The following SMARCA4 variants were observed in gnomAD, a reference collection of about 807,000 sequenced individuals.
The protein encoded by SMARCA4 is SWI/SNF-related matrix-associated actin-dependent regulator of chromatin subfamily A member 4.
A neutral mutation model predicts 193.9 loss-of-function variants in SMARCA4; 31 were observed. The observed-to-expected ratio is 0.16, with a 90% CI of 0.12 to 0.22. The LOEUF is 0.22. SMARCA4 is among the 10% of genes least tolerant of loss of function. The pLI is 1.00. For synonymous variants in SMARCA4, 942 were observed against 933.1 expected (o/e 1.01, Z -0.17); for missense variants, 1,148 against 2,296.0 (o/e 0.50, Z 10.22).
intron 30 of SMARCA4, among the ~76,000 whole-genome samples, chr19:11,053,381 G>A (rs1261373241): frequency 1.3e-5 from 2 of 151,740 alleles, no homozygotes; most frequent in Admixed American, 1.3e-4. Flanking sequence ...CTACTCGGGA[G>A]GCGGAGGTTT....
intron 1 of SMARCA4, among the ~76,000 whole-genome samples, chr19:10,969,002 C>T (rs1454487523): frequency 6.6e-6 from 1 of 152,206 alleles, no homozygotes; most frequent in Non-Finnish European, 1.5e-5. Flanking sequence ...CCTCGACCTT[C>T]AAGGTTCTCA....
intron 11 of SMARCA4, among the ~76,000 whole-genome samples, chr19:10,999,494 A>G (rs540690641): frequency 2.0e-5 from 3 of 152,200 alleles, no homozygotes; most frequent in African/African-American, 7.2e-5. Context: ...TTGTCTTTAT[A>G]AAAAATTTTA....
intron 30 of SMARCA4, among the ~76,000 whole-genome samples, chr19:11,052,358 G>A (rs574156252): frequency 6.6e-6 from 1 of 152,242 alleles, no homozygotes; most frequent in South Asian, 2.1e-4. Context: ...CCCAGGAGTT[G>A]GAGGCACCGC....
chr19:11,007,004 T>G (rs2088281331), intron 13 of SMARCA4, among the ~76,000 whole-genome samples: 1 of 152,120 alleles, frequency 6.6e-6, no homozygotes. Context: ...GGAGGATCGC[T>G]TAAGTCCAGT....
In SMARCA4 at chr19:10,985,000, C is replaced by T. The variant is rs1303640552; in HGVS notation, c.223-273C>T. Among the ~76,000 whole-genome samples, 1 of 152,204 alleles carries T rather than the reference C, an allele frequency of 6.6e-6. No homozygotes were observed. Among genetic ancestry groups the T allele is most frequent in the African/African-American group, 2.4e-5 (1 of 41,450 alleles). ...TGACATTTCTAAGTGTCACGGGCCA[C>T]AGGAGGTCCCGGGTGGTAGAAGATG... On this transcript the variant is annotated intron_variant, in intron 2 of 34. Transcript: ENST00000344626. The surrounding 1 kb of genome is among the most constrained non-coding windows in gnomAD (Gnocchi z 4.3).
chr19:10,971,876 G>A (rs920168218), intron 1 of SMARCA4, among the ~76,000 whole-genome samples: 7 of 150,694 alleles, frequency 4.6e-5, no homozygotes, highest in Non-Finnish European at 7.4e-5. Context: ...TCCGCCTCCC[G>A]GGTTCAAGCG....
chr19:10,992,687 C>T (rs2086663297), intron 8 of SMARCA4, among the ~76,000 whole-genome samples: 1 of 151,806 alleles, frequency 6.6e-6, no homozygotes, highest in African/African-American at 2.4e-5. Context: ...CTCCTGGGTT[C>T]AAGCGATTTT....
chr19:11,028,508 C>T (rs1247169436), intron 24 of SMARCA4, among the ~76,000 whole-genome samples: 2 of 152,240 alleles, frequency 1.3e-5, no homozygotes, highest in African/African-American at 4.8e-5. Flanking sequence ...AGCCCAGTGA[C>T]TGCCACCTTG....
In SMARCA4 at chr19:11,019,807, A is replaced by T. The variant is rs1442656261; in HGVS notation, c.2616+106A>T. Reference sequence around the variant, plus strand: ...CCTACAAGTTTCTTCCCGGAGTCCCACCTGCATGTGCGTGAAGACAGCTGC... The same window carrying T: ...CCTACAAGTTTCTTCCCGGAGTCCCTCCTGCATGTGCGTGAAGACAGCTGC... On this transcript the variant is annotated intron_variant, in intron 18 of 34. Coordinates refer to ENST00000344626, the MANE Select transcript of SMARCA4 (RefSeq NM_003072.5). The surrounding 1 kb of genome is among the most constrained non-coding windows in gnomAD (Gnocchi z 6.1). The T allele has an allele frequency of 2.5e-6, 2 of 810,044 alleles. No individual in the cohort carries two copies. Among genetic ancestry groups the T allele is most frequent in the Admixed American group, 4.0e-5 (2 of 50,136 alleles). 50.2% of individuals were successfully genotyped at this position (810,044 alleles called of 1,614,324 possible). A position where few individuals can be genotyped will look rare whatever the true frequency, so the allele number is the denominator to read the frequency against.
At position 10,983,672 on chromosome 19, in the gene SMARCA4, G is replaced by A. The variant is rs376664516; in HGVS notation, c.-31-449G>A. The stretch of plus-strand genomic sequence containing the variant: ...TGGTCTCGAACTCCTGACCTCAAAT[G>A]ATCTGCCCGCATTGGCCTCCCAAAG... On this transcript the variant is annotated intron_variant, in intron 1 of 34. Transcript: ENST00000344626. The A allele has an allele frequency of 1.6e-3, 285 of 180,980 alleles. 1 individual carries two copies. The highest frequency in any genetic ancestry group is 5.4e-3 in the Middle Eastern group (2 of 368). 11.2% of individuals were successfully genotyped at this position (180,980 alleles called of 1,614,324 possible).
intron 11 of SMARCA4, among the ~76,000 whole-genome samples, chr19:10,998,957 TG>T (rs2146024733): frequency 6.6e-6 from 1 of 150,746 alleles, no homozygotes; most frequent in East Asian, 2.0e-4. Context: ...CCGGAGTGTG[TG>T]GTGGTGCAAT....
Position 11,010,501 on chromosome 19 carries a change from T to A in SMARCA4, c.2244T>A (p.Leu748=), listed in dbSNP as rs756276556. 3.7e-6 allele frequency: 6 copies of A among 1,613,828 alleles called. No individual in the cohort carries two copies. Among genetic ancestry groups the A allele is most frequent in the Non-Finnish European group, 5.1e-6 (6 of 1,179,990 alleles). Residue 748 remains leucine (L), a synonymous_variant, in exon 15 of 35, where the codon CTT becomes CTA. Coordinates refer to ENST00000344626, the MANE Select transcript of SMARCA4 (RefSeq NM_003072.5). ...VTERVDKQSA[L]MVNGVLKQYQ... ...AGAGAGTGGACAAGCAGTCAGCGCT[T>A]ATGGTCAATGGTGTCCTCAAACAGT...
At chr19:11,047,435 G>T (rs764770072) in intron 30 of SMARCA4, among the ~76,000 whole-genome samples, 14 of 148,588 alleles carry the variant, frequency 9.4e-5, no homozygotes, top group Non-Finnish European at 1.2e-4. Context: ...TGGAGATGCA[G>T]TCTCACTCTG....
rs2145980295 is a variant in SMARCA4 at position 10,996,499 on chromosome 19, A to G, written c.1767A>G (p.Ala589=). The G allele has an allele frequency of 6.2e-7, 1 of 1,614,294 alleles. No homozygotes were observed. The highest frequency in any genetic ancestry group is 8.5e-7 in the Non-Finnish European group (1 of 1,180,050). The change falls in exon 11 of 35, where the codon GCA becomes GCG. Residue 589 remains alanine, a synonymous_variant. Coordinates refer to ENST00000344626, the MANE Select transcript of SMARCA4 (RefSeq NM_003072.5). ...GTGTCTCTCTCTATTTCCAGAAGGC[A>G]GAAAATGCAGAAGGACAGACGCCTG... ...EKKKKKKKKK[A]ENAEGQTPAI...
Position 11,033,893 on chromosome 19 carries a change from C to G in SMARCA4, c.3873+28C>G. 1.3e-6 allele frequency: 1 copy of G among 774,636 alleles called. No individual in the cohort carries two copies. Among genetic ancestry groups the G allele is most frequent in the East Asian group, 2.4e-5 (1 of 41,146 alleles). The allele number at this position is 774,636 out of a possible 1,614,324, so 48.0% of individuals were successfully genotyped here. ...GAGAGGGGTAGTTCAGTCTCCATGC[C>G]CATTCAATCCTCGGCTTCTCGGCTG... On this transcript the variant is annotated intron_variant, in intron 27 of 34. Transcript: ENST00000344626. This position sits in a 1 kb window ranked among gnomAD's most constrained non-coding sequence, Gnocchi z 9.8.
chr19:10,998,503 CTTT>C (rs60264578), intron 11 of SMARCA4, among the ~76,000 whole-genome samples: 6 of 137,962 alleles, frequency 4.3e-5, no homozygotes, highest in African/African-American at 2.7e-5. Flanking sequence ...CTTTTAGTAT[CTTT>C]TTTTTTTTTT....
Position 10,964,749 on chromosome 19 carries a change from A to C in SMARCA4, c.-32+3575A>C, listed in dbSNP as rs144172341. Among the ~76,000 whole-genome samples, 276 of 151,520 alleles carry C rather than the reference A, an allele frequency of 1.8e-3. 1 individual carries two copies. The highest frequency in any genetic ancestry group is 6.8e-3 in the Middle Eastern group (2 of 294). On this transcript the variant is annotated intron_variant, in intron 1 of 34. Transcript: ENST00000344626. Reference sequence around the variant, plus strand: ...TCTCATGCCTCAGCCTCTGGAGTGGATGGGACTAAGGACGTGCACCACCAT... The same window carrying C: ...TCTCATGCCTCAGCCTCTGGAGTGGCTGGGACTAAGGACGTGCACCACCAT...
At chr19:10,988,299 T>G (rs2086247872) in intron 6 of SMARCA4, among the ~76,000 whole-genome samples, 1 of 152,180 alleles carries the variant, frequency 6.6e-6, no homozygotes, top group Non-Finnish European at 1.5e-5. Context: ...TTTGTATTTA[T>G]TTTAGTAGAG....
At chr19:11,003,699 C>T (rs1476483201) in intron 13 of SMARCA4, among the ~76,000 whole-genome samples, 3 of 151,862 alleles carry the variant, frequency 2.0e-5, no homozygotes, top group Non-Finnish European at 4.4e-5. Context: ...GAATGGTCTG[C>T]CTCATTTGCC....
Sources: allele counts gnomAD v4.1 joint callset (sites outside exome capture counted in the v4.1 genomes callset), GRCh38; gene constraint gnomAD v4.1.1; non-coding constraint Gnocchi (gnomAD v3.1); transcripts MANE v1.5; gene names NCBI Gene and HGNC (gene_info 2026-07-23, HGNC 2026-07-21).